Variants in XPR1 observed in about 807,000 individuals in gnomAD.
XPR1 encodes xenotropic and polytropic retrovirus receptor 1.
A neutral mutation model predicts 87.5 loss-of-function variants in XPR1; 28 were observed. That is an observed-to-expected ratio of 0.32 (90% confidence interval 0.24 to 0.44). The LOEUF (loss-of-function observed/expected upper bound fraction) is 0.44. Ranked by LOEUF, XPR1 falls within the 20% of genes least tolerant of loss-of-function variation. XPR1 has a pLI of 1.00. For missense variants in XPR1, 559 were observed against 862.3 expected, an observed-to-expected ratio of 0.65 and a Z score of 4.41; for synonymous variants, 300 against 306.1, an observed-to-expected ratio of 0.98 and a Z score of 0.21.
At chr1:180,788,216 C>A (rs945920906) in intron 3 of XPR1, among the ~76,000 whole-genome samples, 7 of 152,142 alleles carry the variant, frequency 4.6e-5, no homozygotes, top group African/African-American at 1.7e-4. Flanking sequence ...CAGTTTTATA[C>A]CTTTTCATTG....
Position 180,835,017 on chromosome 1 carries a change from T to C in XPR1, c.1278T>C (p.Ser426=), listed in dbSNP as rs1651229913. Reference sequence around the variant, plus strand: ...GTTTGGAGCTCAAATGGGATGAAAGTAAGGGCCTGTTGCCAAATAATTCAG... The same window carrying C: ...GTTTGGAGCTCAAATGGGATGAAAGCAAGGGCCTGTTGCCAAATAATTCAG... ...FYSLELKWDE[S]KGLLPNNSEE... Residue 426 remains serine (S), a synonymous_variant, in exon 10 of 15, where the codon AGT becomes AGC. Transcript: ENST00000367590. 1 of 1,614,042 alleles carries C rather than the reference T, an allele frequency of 6.2e-7. No homozygotes were observed. The highest frequency in any genetic ancestry group is 8.5e-7 in the Non-Finnish European group (1 of 1,179,940).
chr1:180,822,016 A>G (rs979116426), intron 7 of XPR1, among the ~76,000 whole-genome samples: 18 of 152,186 alleles, frequency 1.2e-4, no homozygotes, highest in African/African-American at 4.1e-4. Flanking sequence ...GTAAAACTAT[A>G]TATCATTTTC....
intron 13 of XPR1, among the ~76,000 whole-genome samples, chr1:180,876,644 A>AG (rs1231402462): frequency 6.6e-6 from 1 of 151,862 alleles, no homozygotes; most frequent in Non-Finnish European, 1.5e-5. Context: ...TCAAAAAAAA[A>AG]AAAAGAAAGA....
At chr1:180,687,833 A>G (rs959534681) in intron 2 of XPR1, among the ~76,000 whole-genome samples, 12 of 151,676 alleles carry the variant, frequency 7.9e-5, no homozygotes, top group African/African-American at 2.9e-4. Flanking sequence ...TTCCTTATCA[A>G]TATATATGTA....
intron 2 of XPR1, among the ~76,000 whole-genome samples, chr1:180,689,384 A>AT: frequency 6.6e-6 from 1 of 152,302 alleles, no homozygotes; most frequent in Non-Finnish European, 1.5e-5. Context: ...AGATTTAAGA[A>AT]TTTTTTAAAA....
At position 180,693,451 on chromosome 1, in the gene XPR1, A is replaced by G. The variant is rs184692708; in HGVS notation, c.121+11040A>G. On this transcript the variant is annotated intron_variant, in intron 2 of 14. Coordinates refer to ENST00000367590, the MANE Select transcript of XPR1 (RefSeq NM_004736.4). Reference sequence around the variant, plus strand: ...ATTTGGAGTAGCATTGACTTCAGTTATCTGAGGCAGTATGAAGAAAAAAAG... The same window carrying G: ...ATTTGGAGTAGCATTGACTTCAGTTGTCTGAGGCAGTATGAAGAAAAAAAG... Among the ~76,000 whole-genome samples, 46 of 152,360 alleles carry G rather than the reference A, an allele frequency of 3.0e-4. 1 individual carries two copies. In the East Asian group the frequency reaches 7.5e-3, roughly 25 times the overall value.
chr1:180,851,602 TC>T (rs1278314780), intron 11 of XPR1, among the ~76,000 whole-genome samples: 1 of 152,180 alleles, frequency 6.6e-6, no homozygotes, highest in East Asian at 1.9e-4. Flanking sequence ...TCTTAACTTT[TC>T]CTTACAGCAA....
chr1:180,826,094 T>G (rs1032388864), intron 9 of XPR1, among the ~76,000 whole-genome samples: 9 of 152,088 alleles, frequency 5.9e-5, no homozygotes, highest in Admixed American at 3.9e-4. Flanking sequence ...TTGTTTATAA[T>G]AAGTTCTTTT....
chr1:180,784,168 T>C (rs1304882328), intron 2 of XPR1, among the ~76,000 whole-genome samples: 1 of 152,104 alleles, frequency 6.6e-6, no homozygotes, highest in Non-Finnish European at 1.5e-5. Context: ...TTAATAGCTA[T>C]TGCCAAATTG....
chr1:180,757,040 A>G (rs933940343), intron 2 of XPR1, among the ~76,000 whole-genome samples: 2 of 152,228 alleles, frequency 1.3e-5, no homozygotes, highest in Admixed American at 6.5e-5. Context: ...GTACTATGCT[A>G]TCATGATATT....
rs755610174 is a variant in XPR1 at position 180,856,305 on chromosome 1, TA to T, written c.1502-7392del. 8.4e-3 allele frequency among the ~76,000 whole-genome samples: 1,237 copies of T among 146,812 alleles called. 6 individuals carry two copies. The highest frequency in any genetic ancestry group is 0.011 in the Admixed American group (168 of 14,710). ...TCTCATCTCTTTGAGTCTTTGGTAT[TA>T]AAAAAAAAAACTGGAAATAAACTCA... On this transcript the variant is annotated intron_variant, in intron 11 of 14. Coordinates refer to ENST00000367590, the MANE Select transcript of XPR1 (RefSeq NM_004736.4).
In XPR1 at chr1:180,815,009, C is replaced by T. The variant is rs893218304; in HGVS notation, c.763+3521C>T. Among the ~76,000 whole-genome samples the T allele has an allele frequency of 7.2e-5, 11 of 151,912 alleles. 1 individual carries two copies. The East Asian group carries it at 1.7e-3, about 24-fold the overall frequency. Reference sequence around the variant, plus strand: ...GGGTGAAAAGATAGCTTGAGGCCAGCTCATAGGGATCAGATAAGAAGTGTA... The same window carrying T: ...GGGTGAAAAGATAGCTTGAGGCCAGTTCATAGGGATCAGATAAGAAGTGTA... On this transcript the variant is annotated intron_variant, in intron 7 of 14. Transcript: ENST00000367590.
At chr1:180,705,250 C>T (rs749751180) in intron 2 of XPR1, among the ~76,000 whole-genome samples, 5 of 152,046 alleles carry the variant, frequency 3.3e-5, no homozygotes, top group Non-Finnish European at 5.9e-5. Context: ...TTGTCACCTT[C>T]GAAACAGAGT....
intron 7 of XPR1, among the ~76,000 whole-genome samples, chr1:180,818,762 A>T (rs1165040846): frequency 6.6e-6 from 1 of 152,104 alleles, no homozygotes; most frequent in Non-Finnish European, 1.5e-5. Flanking sequence ...CTTGTCTAGC[A>T]AGAGTATTGT....
intron 2 of XPR1, among the ~76,000 whole-genome samples, chr1:180,721,233 AAAAAT>A (rs1658171084): frequency 6.6e-6 from 1 of 152,162 alleles, no homozygotes; most frequent in Non-Finnish European, 1.5e-5. Flanking sequence ...AAAAAAAAAA[AAAAAT>A]CTAGAAGGAA....
intron 2 of XPR1, among the ~76,000 whole-genome samples, chr1:180,785,011 T>TTGTGTGTGTGTGTGTG (rs1186269708): frequency 0.059 from 7,988 of 136,196 alleles, 359 homozygotes; most frequent in South Asian, 0.074. Flanking sequence ...GTGTGTGTGT[T>TTGTGTGTGTGTGTGTG]TGTGTGTGTG....
intron 13 of XPR1, among the ~76,000 whole-genome samples, chr1:180,878,717 C>T (rs1311185176): frequency 1.3e-5 from 2 of 152,188 alleles, no homozygotes; most frequent in African/African-American, 4.8e-5. Flanking sequence ...GCTAAATCCC[C>T]TTGTCAGTTC....
chr1:180,814,410 A>G (rs956474746), intron 7 of XPR1, among the ~76,000 whole-genome samples: 4 of 152,222 alleles, frequency 2.6e-5, no homozygotes, highest in African/African-American at 9.6e-5. Context: ...ACTCAGATCT[A>G]TGTTATCAAG....
intron 1 of XPR1, among the ~76,000 whole-genome samples, chr1:180,659,808 C>T (rs990332256): frequency 7.3e-5 from 11 of 150,528 alleles, no homozygotes; most frequent in South Asian, 2.1e-4. Flanking sequence ...TGAGCCACCA[C>T]GCCCAGCCTA....
Sources: gnomAD v4.1 joint callset for allele counts (sites outside exome capture counted in the v4.1 genomes callset) on GRCh38, gnomAD v4.1.1 for gene constraint, MANE v1.5 for transcripts, NCBI Gene and HGNC (gene_info 2026-07-23, HGNC 2026-07-21) for gene names.